PHYHIPL: variants seen among roughly 807,000 people sequenced by gnomAD.
PHYHIPL encodes phytanoyl-CoA 2-hydroxylase interacting protein like.
In PHYHIPL, 9 loss-of-function variants were observed where a neutral mutation model predicts 33.4. The ratio of observed to expected loss-of-function variants is 0.27; its 90% CI spans 0.16 to 0.47. PHYHIPL has a LOEUF of 0.47. Ranked by LOEUF, PHYHIPL falls within the 20% of genes least tolerant of loss-of-function variation. The pLI is 0.99. For synonymous variants in PHYHIPL, 153 were observed against 154.1 expected, an observed-to-expected ratio of 0.99 and a Z score of 0.05; for missense variants, 365 against 460.7, an observed-to-expected ratio of 0.79 and a Z score of 1.90.
intron 1 of PHYHIPL, among the ~76,000 whole-genome samples, chr10:59,194,080 G>GTTTTTT (rs778292956): frequency 3.6e-5 from 4 of 111,472 alleles, no homozygotes; most frequent in Non-Finnish European, 7.4e-5. Flanking sequence ...TTACCTATAT[G>GTTTTTT]TTTTTTTTTT....
At chr10:59,188,670 T>C (rs1838691225) in intron 1 of PHYHIPL, among the ~76,000 whole-genome samples, 1 of 152,208 alleles carries the variant, frequency 6.6e-6, no homozygotes, top group East Asian at 1.9e-4. Context: ...TGCATATAAA[T>C]TTAGGATAGT....
intron 1 of PHYHIPL, among the ~76,000 whole-genome samples, chr10:59,179,614 G>T (rs1564698577): frequency 6.6e-6 from 1 of 152,216 alleles, no homozygotes; most frequent in East Asian, 1.9e-4. Context: ...TATCAACCAA[G>T]AGTTATGCCT....
intron 1 of PHYHIPL, among the ~76,000 whole-genome samples, chr10:59,223,071 T>C (rs1230747469): frequency 6.6e-6 from 1 of 152,208 alleles, no homozygotes; most frequent in African/African-American, 2.4e-5. Flanking sequence ...TAACTAATCA[T>C]TGTGTACTTA....
intron 1 of PHYHIPL, among the ~76,000 whole-genome samples, chr10:59,198,922 ATTTG>A (rs1839010490): frequency 6.6e-6 from 1 of 152,012 alleles, no homozygotes; most frequent in Non-Finnish European, 1.5e-5. Context: ...TTTCTTGTAA[ATTTG>A]TTTGAGTTCT....
intron 1 of PHYHIPL, among the ~76,000 whole-genome samples, chr10:59,229,630 G>T (rs1187414697): frequency 6.6e-6 from 1 of 152,082 alleles, no homozygotes; most frequent in African/African-American, 2.4e-5. Flanking sequence ...AGCAGATTCA[G>T]AGAGTCTCCA....
chr10:59,181,763 A>G (rs903410876), intron 1 of PHYHIPL, among the ~76,000 whole-genome samples: 1 of 152,244 alleles, frequency 6.6e-6, no homozygotes, highest in African/African-American at 2.4e-5. Flanking sequence ...ATCAGATTGT[A>G]TTAAACCAAT....
intron 1 of PHYHIPL, among the ~76,000 whole-genome samples, chr10:59,215,680 A>G (rs1839594571): frequency 6.6e-6 from 1 of 152,002 alleles, no homozygotes; most frequent in Non-Finnish European, 1.5e-5. Context: ...ATTTATGGAG[A>G]ATGTCAGTAG....
chr10:59,191,394 G>A (rs547139484), intron 1 of PHYHIPL, among the ~76,000 whole-genome samples: 1 of 151,920 alleles, frequency 6.6e-6, no homozygotes, highest in Admixed American at 6.6e-5. Flanking sequence ...CATTTGATAA[G>A]GTTTTCTCTA....
intron 1 of PHYHIPL, among the ~76,000 whole-genome samples, chr10:59,197,810 T>C (rs1475942281): frequency 6.6e-6 from 1 of 152,210 alleles, no homozygotes; most frequent in Non-Finnish European, 1.5e-5. Context: ...CATTGACATC[T>C]ACCTTATCTC....
intron 1 of PHYHIPL, among the ~76,000 whole-genome samples, chr10:59,184,904 GTT>G (rs773052835): frequency 2.8e-5 from 4 of 144,902 alleles, no homozygotes; most frequent in Non-Finnish European, 4.5e-5. Context: ...GCAGTGTTTA[GTT>G]TTTTGTCCTT....
Position 59,243,399 on chromosome 10 carries a change from G to A in PHYHIPL, c.597-1658G>A, listed in dbSNP as rs1194153080. Among the ~76,000 whole-genome samples, 4 of 152,090 alleles carry A rather than the reference G, an allele frequency of 2.6e-5. No homozygotes were observed. The East Asian group carries it at 7.7e-4, about 29-fold the overall frequency. Reference sequence around the variant, plus strand: ...TATCCTAAAGGAAGTTTCTGAAACAGGAAGGAAGGAAATAATAAAAGAAGG... The same window carrying A: ...TATCCTAAAGGAAGTTTCTGAAACAAGAAGGAAGGAAATAATAAAAGAAGG... On this transcript the variant is annotated intron_variant, in intron 4 of 4. Coordinates refer to ENST00000373880, the MANE Select transcript of PHYHIPL (RefSeq NM_032439.4).
At chr10:59,179,765 ATATT>A (rs139623547) in intron 1 of PHYHIPL, among the ~76,000 whole-genome samples, 13,781 of 151,746 alleles carry the variant, frequency 0.091, 824 homozygotes, top group South Asian at 0.2. Flanking sequence ...GTTTCTAAAA[ATATT>A]TAATAGTTTC....
intron 4 of PHYHIPL, among the ~76,000 whole-genome samples, chr10:59,242,535 G>A (rs1415307359): frequency 6.6e-6 from 1 of 151,914 alleles, no homozygotes; most frequent in African/African-American, 2.4e-5. Flanking sequence ...CCAAGAACCA[G>A]GAAAATCTTA....
chr10:59,235,437 T>C (rs151163247), intron 2 of PHYHIPL, among the ~76,000 whole-genome samples: 100 of 152,002 alleles, frequency 6.6e-4, no homozygotes, highest in African/African-American at 2.2e-3. Context: ...TTAATATTGA[T>C]ATTAAGTTTT....
In PHYHIPL at chr10:59,246,534, C is replaced by A. The variant is rs980371729; in HGVS notation, c.*943C>A. On this transcript the variant is annotated 3_prime_UTR_variant, in exon 5 of 5. Transcript: ENST00000373880. ...GTTGGTACATGAGAGAAAATGTTGA[C>A]CTTTTACTTCCTTTTACAAAAATGA... The A allele has an allele frequency of 2.8e-5, 11 of 393,104 alleles. No homozygotes were observed. The highest frequency in any genetic ancestry group is 2.3e-4 in the African/African-American group (11 of 48,488). The allele number at this position is 393,104 out of a possible 1,614,324, so 24.4% of individuals were successfully genotyped here.
chr10:59,191,039 C>T (rs558934188), intron 1 of PHYHIPL, among the ~76,000 whole-genome samples: 14 of 151,938 alleles, frequency 9.2e-5, no homozygotes, highest in Non-Finnish European at 1.8e-4. Context: ...TTTATGTTAT[C>T]TATTTTCCTC....
intron 1 of PHYHIPL, chr10:59,183,550 ATC>A (rs1838472777): frequency 2.1e-6 from 1 of 468,152 alleles, no homozygotes; most frequent in Admixed American, 6.4e-5. Context: ...TGTGCTTTGT[ATC>A]TCACCCTTTG....
At chr10:59,184,648 T>G (rs942597721) in intron 1 of PHYHIPL, among the ~76,000 whole-genome samples, 2 of 151,960 alleles carry the variant, frequency 1.3e-5, no homozygotes, top group African/African-American at 4.8e-5. Flanking sequence ...TTAATTTTTT[T>G]TATTGTATTA....
chr10:59,239,529 C>A (rs759368854), intron 4 of PHYHIPL, among the ~76,000 whole-genome samples: 6 of 151,986 alleles, frequency 3.9e-5, no homozygotes, highest in Non-Finnish European at 5.9e-5. Context: ...CAAAACATAT[C>A]AGCTGTTATC....
Sources: allele counts gnomAD v4.1 joint callset (sites outside exome capture counted in the v4.1 genomes callset), GRCh38; gene constraint gnomAD v4.1.1; transcripts MANE v1.5; gene names NCBI Gene and HGNC (gene_info 2026-07-23, HGNC 2026-07-21).